Variants in RBM25 observed in about 807,000 individuals in gnomAD.
RBM25 encodes RNA-binding protein 25.
RBM25 carries 19 observed loss-of-function variants against 120.7 expected under a neutral mutation model. That is an observed-to-expected ratio of 0.16 (90% CI 0.11 to 0.23). RBM25 has a LOEUF of 0.23. Ranked by LOEUF, RBM25 falls within the 10% of genes least tolerant of loss-of-function variation. The pLI is 1.00. For missense variants in RBM25, 605 were observed against 1,041.5 expected (o/e 0.58, Z 5.77); for synonymous variants, 390 against 326.7 (o/e 1.19, Z -2.09).
At chr14:73,084,826 A>G (rs1452212822) in intron 5 of RBM25, among the ~76,000 whole-genome samples, 1 of 151,198 alleles carries the variant, frequency 6.6e-6, no homozygotes, top group African/African-American at 2.4e-5. Context: ...CTGAGATTAT[A>G]GGCACGAGCC....
In RBM25 at chr14:73,068,147, T is replaced by A. The variant is rs1303642945; in HGVS notation, c.-15-3480T>A. 4.9e-6 allele frequency: 4 copies of A among 821,424 alleles called. No homozygotes were observed. In the East Asian group the frequency reaches 1.2e-4, roughly 25 times the overall value. The allele number at this position is 821,424 out of a possible 1,614,324, so 50.9% of individuals were successfully genotyped here. A position where few individuals can be genotyped will look rare whatever the true frequency, so the allele number is the denominator to read the frequency against. On this transcript the variant is annotated intron_variant, in intron 1 of 18. Coordinates refer to ENST00000261973, the MANE Select transcript of RBM25 (RefSeq NM_021239.3). ...AACTGGAAGGTTGGTCCTAGATGGC[T>A]GCTTGGTCCTGGATGCTTTAGTGGT...
intron 6 of RBM25, among the ~76,000 whole-genome samples, chr14:73,088,853 G>A (rs1178569632): frequency 1.3e-5 from 2 of 152,096 alleles, no homozygotes; most frequent in Non-Finnish European, 2.9e-5. Context: ...AATAGAAATC[G>A]CTTTTTGCTG....
chr14:73,122,385 C>T lies in RBM25; in HGVS notation c.*2580C>T, dbSNP rs1265407144. Reference sequence around the variant, plus strand: ...CCGCCTCCCGGGTTCTGGAGATATTCTGCTTCAGTTTTCTGAGTAGCTGGG... The same window carrying T: ...CCGCCTCCCGGGTTCTGGAGATATTTTGCTTCAGTTTTCTGAGTAGCTGGG... On this transcript the variant is annotated 3_prime_UTR_variant, in exon 19 of 19. Coordinates refer to ENST00000261973, the MANE Select transcript of RBM25 (RefSeq NM_021239.3). 6.6e-6 allele frequency: 1 copy of T among 151,614 alleles called. No individual in the cohort carries two copies. Among genetic ancestry groups the T allele is most frequent in the Non-Finnish European group, 1.5e-5 (1 of 67,986 alleles). The allele number at this position is 151,614 out of a possible 1,614,324, so 9.4% of individuals were successfully genotyped here.
rs781692344 is a variant in RBM25, at chr14:73,119,857, A to G, written c.*52A>G. On this transcript the variant is annotated 3_prime_UTR_variant, in exon 19 of 19. Coordinates refer to ENST00000261973, the MANE Select transcript of RBM25 (RefSeq NM_021239.3). ...CAGATTTCTTCTTTGCCACCCTTTT[A>G]AGGACTTTGAATTTTTCTTTGTCTT... The G allele has an allele frequency of 1.9e-6, 3 of 1,556,552 alleles. No homozygotes were observed. In the Admixed American group the frequency reaches 6.6e-5, roughly 34 times the overall value.
chr14:73,070,337 G>A (rs982519602), intron 1 of RBM25, among the ~76,000 whole-genome samples: 3 of 152,022 alleles, frequency 2.0e-5, no homozygotes, highest in African/African-American at 7.3e-5. Flanking sequence ...GATTACAGGC[G>A]TGAGCCACTG....
In RBM25 at chr14:73,086,866, A is replaced by G. The variant is rs200378107; in HGVS notation, c.383-1135A>G. Among the ~76,000 whole-genome samples the G allele has an allele frequency of 2.0e-4, 31 of 152,034 alleles. No individual in the cohort carries two copies. The East Asian group carries it at 4.8e-3, about 24-fold the overall frequency. ...ACTACAGGCATGTGCCACCACACCC[A>G]GCTAGTTTTTGTATTTTTAGTAGAG... On this transcript the variant is annotated intron_variant, in intron 5 of 18. Coordinates refer to ENST00000261973, the MANE Select transcript of RBM25 (RefSeq NM_021239.3).
chr14:73,112,108 C>A lies in RBM25; in HGVS notation c.2293-44C>A, dbSNP rs1409621104. 3 of 1,496,968 alleles carry A rather than the reference C, an allele frequency of 2.0e-6. No individual in the cohort carries two copies. The African/African-American group carries it at 4.2e-5, about 21-fold the overall frequency. 92.7% of individuals were successfully genotyped at this position (1,496,968 alleles called of 1,614,324 possible). On this transcript the variant is annotated intron_variant, in intron 16 of 18. Transcript: ENST00000261973. ...CATGAAGCTTTAATAACTGTTATAG[C>A]AAGTTACAATTCTTTAATTCAGTAA...
At chr14:73,087,737 T>G (rs1895722090) in intron 5 of RBM25, among the ~76,000 whole-genome samples, 1 of 152,230 alleles carries the variant, frequency 6.6e-6, no homozygotes, top group Non-Finnish European at 1.5e-5. Context: ...CTCTGCTAAA[T>G]ATTTTATTAG....
In RBM25 at chr14:73,083,489, T is replaced by C. The variant is rs556251015; in HGVS notation, c.325-5T>C. On this transcript the variant is annotated splice_polypyrimidine_tract_variant and splice_region_variant and intron_variant, in intron 4 of 18. Transcript: ENST00000261973. ...GCAATCTGTTTGTTTTGTTTTCTTT[T>C]TAAGAAATGTGGTTTGGTTTTGAGC... 45 of 1,568,034 alleles carry C rather than the reference T, an allele frequency of 2.9e-5. 2 individuals carry two copies. The South Asian group carries it at 5.3e-4, about 18-fold the overall frequency.
At chr14:73,065,930 C>A (rs932620094) in intron 1 of RBM25, among the ~76,000 whole-genome samples, 1 of 152,084 alleles carries the variant, frequency 6.6e-6, no homozygotes, top group African/African-American at 2.4e-5. Flanking sequence ...GAGTTCATGG[C>A]CCAGTCTTGT....
Position 73,089,366 on chromosome 14 carries a change from G to GT in RBM25, c.543+1213dup, listed in dbSNP as rs200569308. Among the ~76,000 whole-genome samples, 28 of 151,316 alleles carry GT rather than the reference G, an allele frequency of 1.9e-4. No individual in the cohort carries two copies. In the East Asian group the frequency reaches 2.1e-3, roughly 12 times the overall value. ...TATGAATGTGGTTCATTTGTTTTTT[G>GT]TTTTTTTTGAGACAGAGTCTCTCTG... On this transcript the variant is annotated intron_variant, in intron 6 of 18. Transcript: ENST00000261973.
At chr14:73,068,902 G>A (rs1023892893) in intron 1 of RBM25, among the ~76,000 whole-genome samples, 2 of 151,980 alleles carry the variant, frequency 1.3e-5, no homozygotes, top group Admixed American at 6.6e-5. Flanking sequence ...GGTGGAATAA[G>A]ACTTTATTTT....
In RBM25 at chr14:73,111,810, G is replaced by C. The variant is rs777525359; in HGVS notation, c.2292+8G>C. On this transcript the variant is annotated splice_region_variant and intron_variant, in intron 16 of 18. Transcript: ENST00000261973. ...TGGTCTATTGTGGATTCTGTGAGTA[G>C]GAAATTATATTTCATCATATTATTG... 1 of 1,566,850 alleles carries C rather than the reference G, an allele frequency of 6.4e-7. No homozygotes were observed. The highest frequency in any genetic ancestry group is 1.2e-5 in the South Asian group (1 of 83,196).
intron 9 of RBM25, chr14:73,101,756 TAAAC>T (rs909545463): frequency 7.9e-5 from 12 of 152,146 alleles, no homozygotes; most frequent in African/African-American, 1.4e-4. Context: ...ATTTCAGAAA[TAAAC>T]AAATTTCTTT....
chr14:73,061,185 G>A (rs1894997613), intron 1 of RBM25, among the ~76,000 whole-genome samples: 1 of 150,808 alleles, frequency 6.6e-6, no homozygotes, highest in Admixed American at 6.6e-5. Flanking sequence ...ATCCTCCATA[G>A]AAGCTGGAAT....
intron 3 of RBM25, 23 bp downstream of exon 3, chr14:73,076,391 A>G: frequency 6.3e-7 from 1 of 1,587,146 alleles, no homozygotes; most frequent in Non-Finnish European, 8.7e-7. Context: ...TAAAGGAGGA[A>G]TCATGAGTTA....
intron 8 of RBM25, 69 bp from the exon 9 acceptor site, chr14:73,099,598 A>G: frequency 1.3e-5 from 21 of 1,585,316 alleles, no homozygotes; most frequent in Non-Finnish European, 1.7e-5. Flanking sequence ...CAGAATATCT[A>G]ACCTTTAACT....
intron 6 of RBM25, among the ~76,000 whole-genome samples, chr14:73,096,497 T>C (rs1341843947): frequency 1.3e-5 from 2 of 152,320 alleles, no homozygotes; most frequent in Admixed American, 6.5e-5. Flanking sequence ...ACATACAATT[T>C]TGCTTTTTCT....
At chr14:73,085,974 A>G (rs1895675714) in intron 5 of RBM25, among the ~76,000 whole-genome samples, 1 of 151,542 alleles carries the variant, frequency 6.6e-6, no homozygotes, top group Admixed American at 6.6e-5. Flanking sequence ...TGCACTTTAC[A>G]TCTCCAGTGG....
Sources: gnomAD v4.1 joint callset for allele counts (sites outside exome capture counted in the v4.1 genomes callset) on GRCh38, gnomAD v4.1.1 for gene constraint, MANE v1.5 for transcripts, NCBI Gene and HGNC (gene_info 2026-07-23, HGNC 2026-07-21) for gene names.